Variants in MYRIP observed in about 807,000 individuals in gnomAD.
The protein encoded by MYRIP is rab effector MyRIP.
In MYRIP, 49 loss-of-function variants were observed where a neutral mutation model predicts 98.0. That is an observed-to-expected ratio of 0.50 (90% CI 0.40 to 0.63). The LOEUF is 0.63. Ranked by LOEUF, MYRIP falls within the 30% of genes least tolerant of loss-of-function variation. The pLI, the probability that MYRIP is intolerant of heterozygous loss-of-function variation, is 0.00. For synonymous variants in MYRIP, 404 were observed against 409.5 expected (o/e 0.99, Z 0.16); for missense variants, 1,004 against 1,058.2 (o/e 0.95, Z 0.71).
intron 2 of MYRIP, among the ~76,000 whole-genome samples, chr3:39,907,578 G>C (rs982254822): frequency 5.9e-5 from 9 of 152,196 alleles, no homozygotes; most frequent in Admixed American, 3.9e-4. Context: ...CTGGATGGAA[G>C]AGAGTTTCTG....
At chr3:40,029,295 T>A (rs1947207132) in intron 2 of MYRIP, among the ~76,000 whole-genome samples, 1 of 152,200 alleles carries the variant, frequency 6.6e-6, no homozygotes, top group African/African-American at 2.4e-5. Context: ...GCCAAGTGTA[T>A]GTATATATTT....
At chr3:40,123,370 A>G (rs1393432034) in intron 3 of MYRIP, among the ~76,000 whole-genome samples, 1 of 152,168 alleles carries the variant, frequency 6.6e-6, no homozygotes, top group African/African-American at 2.4e-5. Context: ...GACATTTCCA[A>G]ACATGGGCAG....
chr3:40,141,791 T>C (rs1949900756), intron 3 of MYRIP, among the ~76,000 whole-genome samples: 1 of 152,174 alleles, frequency 6.6e-6, no homozygotes, highest in African/African-American at 2.4e-5. Context: ...TCTACTCTGC[T>C]CTATTGGTTT....
At chr3:39,831,732 T>C (rs1941453824) in intron 1 of MYRIP, among the ~76,000 whole-genome samples, 1 of 152,220 alleles carries the variant, frequency 6.6e-6, no homozygotes, top group South Asian at 2.1e-4. Flanking sequence ...AATAGCTGAA[T>C]TGAATATCAC....
intron 3 of MYRIP, among the ~76,000 whole-genome samples, chr3:40,066,261 G>T (rs1246175808): frequency 6.6e-6 from 1 of 152,184 alleles, no homozygotes; most frequent in Non-Finnish European, 1.5e-5. Flanking sequence ...GAATATGGAA[G>T]ATTCTGTCTT....
intron 3 of MYRIP, among the ~76,000 whole-genome samples, chr3:40,068,697 T>C (rs115977952): frequency 6.6e-6 from 1 of 152,186 alleles, no homozygotes; most frequent in Non-Finnish European, 1.5e-5. Context: ...TTGGGCTACA[T>C]TGATTGACTG....
At chr3:40,000,081 A>G (rs1182230967) in intron 2 of MYRIP, among the ~76,000 whole-genome samples, 3 of 151,758 alleles carry the variant, frequency 2.0e-5, no homozygotes, top group Non-Finnish European at 4.4e-5. Context: ...ATGTTAAATG[A>G]CGAGTTAATG....
At chr3:39,829,938 C>A (rs1941391325) in intron 1 of MYRIP, among the ~76,000 whole-genome samples, 2 of 152,122 alleles carry the variant, frequency 1.3e-5, no homozygotes, top group African/African-American at 4.8e-5. Context: ...CAAATTATCT[C>A]TCCTCCACCT....
chr3:40,144,127 A>G (rs1949964919), intron 3 of MYRIP, among the ~76,000 whole-genome samples: 1 of 152,244 alleles, frequency 6.6e-6, no homozygotes, highest in South Asian at 2.1e-4. Flanking sequence ...CCTTGAACAA[A>G]CAAGAGAATT....
At chr3:40,178,480 G>A (rs959116900) in intron 8 of MYRIP, among the ~76,000 whole-genome samples, 32 of 152,088 alleles carry the variant, frequency 2.1e-4, no homozygotes, top group African/African-American at 7.2e-4. Flanking sequence ...GAGGAGCATC[G>A]AATTGGAATC....
At chr3:40,198,114 C>T (rs770300316) in intron 10 of MYRIP, among the ~76,000 whole-genome samples, 12 of 152,180 alleles carry the variant, frequency 7.9e-5, no homozygotes, top group Non-Finnish European at 1.5e-4. Context: ...ATCACTACAC[C>T]TCCCAGGATG....
At chr3:39,818,550 C>T (rs557490747) in intron 1 of MYRIP, among the ~76,000 whole-genome samples, 2 of 152,076 alleles carry the variant, frequency 1.3e-5, no homozygotes, top group Non-Finnish European at 2.9e-5. Flanking sequence ...TTGTTTTACC[C>T]AGATCATGTT....
At chr3:40,177,145 T>A (rs909453194) in intron 8 of MYRIP, among the ~76,000 whole-genome samples, 33 of 150,806 alleles carry the variant, frequency 2.2e-4, no homozygotes, top group South Asian at 1.5e-3. Context: ...ATGGGCCGAG[T>A]TTCAGTTCTT....
At chr3:40,072,566 G>A (rs1483000460) in intron 3 of MYRIP, among the ~76,000 whole-genome samples, 1 of 152,146 alleles carries the variant, frequency 6.6e-6, no homozygotes, top group Non-Finnish European at 1.5e-5. Context: ...ATATTTTTAT[G>A]TGTAATATTT....
rs548784220 is a variant in MYRIP at position 40,133,609 on chromosome 3, T to G, written c.333-17439T>G. Among the ~76,000 whole-genome samples the G allele has an allele frequency of 6.6e-5, 10 of 152,310 alleles. No homozygotes were observed. The South Asian group carries it at 1.5e-3, about 22-fold the overall frequency. Reference sequence around the variant, plus strand: ...TTTAGAGGCTGGGCACAGTGGCTGATGCCTGTAATCCCTAGTACTCAGGAG... The same window carrying G: ...TTTAGAGGCTGGGCACAGTGGCTGAGGCCTGTAATCCCTAGTACTCAGGAG... On this transcript the variant is annotated intron_variant, in intron 3 of 16. Transcript: ENST00000302541.
At chr3:39,939,673 T>C (rs994134546) in intron 2 of MYRIP, among the ~76,000 whole-genome samples, 1 of 152,182 alleles carries the variant, frequency 6.6e-6, no homozygotes, top group African/African-American at 2.4e-5. Context: ...AATTTTTTCT[T>C]TCATGTTTTT....
chr3:40,207,265 T>A (rs77849772), intron 10 of MYRIP, among the ~76,000 whole-genome samples: 6,159 of 152,252 alleles, frequency 0.04, 303 homozygotes, highest in African/African-American at 0.11. Context: ...TCTTGCTGCT[T>A]CTACATCAAG....
intron 3 of MYRIP, among the ~76,000 whole-genome samples, chr3:40,084,426 TAA>T (rs1418486862): frequency 2.0e-5 from 1 of 49,278 alleles, no homozygotes; most frequent in Non-Finnish European, 4.6e-5. Flanking sequence ...TATCGGTAGA[TAA>T]TACACATCTA....
chr3:40,175,990 C>A (rs1249375682), intron 8 of MYRIP, among the ~76,000 whole-genome samples: 1 of 152,216 alleles, frequency 6.6e-6, no homozygotes, highest in Non-Finnish European at 1.5e-5. Flanking sequence ...TGCTTGAGGA[C>A]CATGCATTAT....
Sources: gnomAD v4.1 joint callset for allele counts (sites outside exome capture counted in the v4.1 genomes callset) on GRCh38, gnomAD v4.1.1 for gene constraint, MANE v1.5 for transcripts, NCBI Gene and HGNC (gene_info 2026-07-23, HGNC 2026-07-21) for gene names.